Variants in HEMK2 observed in about 807,000 individuals in gnomAD.
HEMK2 encodes the protein methyltransferase HEMK2.
chr21:28,861,563 C>A, the HEMK2 span, among the ~76,000 whole-genome samples: 1 of 152,228 alleles, frequency 6.6e-6, no homozygotes, highest in African/African-American at 2.4e-5. Flanking sequence ...ACACTTTATG[C>A]AGTGATTCTC....
the HEMK2 span, among the ~76,000 whole-genome samples, chr21:28,713,054 A>G: frequency 1.5e-4 from 23 of 152,236 alleles, no homozygotes; most frequent in Non-Finnish European, 3.2e-4. Context: ...GGTACTCTGC[A>G]AAGTCAGTAC....
At chr21:28,719,393 A>G in the HEMK2 span, among the ~76,000 whole-genome samples, 2 of 152,132 alleles carry the variant, frequency 1.3e-5, no homozygotes. Context: ...TTTTTGTGGT[A>G]GTGAATAAGT....
chr21:28,787,111 G>A, the HEMK2 span, among the ~76,000 whole-genome samples: 1 of 152,186 alleles, frequency 6.6e-6, no homozygotes, highest in Non-Finnish European at 1.5e-5. Context: ...ATAAAGTGGG[G>A]AAAGGACACC....
At chr21:28,797,405 A>G in the HEMK2 span, among the ~76,000 whole-genome samples, 1 of 151,874 alleles carries the variant, frequency 6.6e-6, no homozygotes, top group African/African-American at 2.4e-5. Flanking sequence ...AGCCCATCCA[A>G]GGCAACATGG....
At chr21:28,607,524 T>G in the HEMK2 span, among the ~76,000 whole-genome samples, 1 of 152,234 alleles carries the variant, frequency 6.6e-6, no homozygotes, top group Non-Finnish European at 1.5e-5. Flanking sequence ...GTTTCTGACA[T>G]CCAAGATTAG....
At chr21:28,735,062 C>T in the HEMK2 span, among the ~76,000 whole-genome samples, 5 of 152,236 alleles carry the variant, frequency 3.3e-5, no homozygotes, top group African/African-American at 9.6e-5. Context: ...ATCTCTCATT[C>T]CCCAGAAGGC....
At chr21:28,598,637 G>A in the HEMK2 span, among the ~76,000 whole-genome samples, 1 of 152,210 alleles carries the variant, frequency 6.6e-6, no homozygotes, top group Non-Finnish European at 1.5e-5. Context: ...CCATGAGTTA[G>A]TGAGTTTTCT....
the HEMK2 span, among the ~76,000 whole-genome samples, chr21:28,831,362 C>A: frequency 2.0e-5 from 3 of 150,336 alleles, no homozygotes; most frequent in African/African-American, 7.4e-5. Flanking sequence ...AGGAGAATCA[C>A]TTGAACCTGG....
At chr21:28,877,424 A>G in the HEMK2 span, among the ~76,000 whole-genome samples, 1 of 151,442 alleles carries the variant, frequency 6.6e-6, no homozygotes, top group Admixed American at 6.6e-5. Context: ...GAAGGAAAGA[A>G]AGAGAGAGAG....
the HEMK2 span, among the ~76,000 whole-genome samples, chr21:28,837,910 A>T: frequency 6.6e-6 from 1 of 152,210 alleles, no homozygotes; most frequent in Non-Finnish European, 1.5e-5. Context: ...CACTATGAAC[A>T]CCTTTACACA....
the HEMK2 span, among the ~76,000 whole-genome samples, chr21:28,607,034 G>T: frequency 6.6e-6 from 1 of 152,174 alleles, no homozygotes; most frequent in African/African-American, 2.4e-5. Context: ...GATAAGGAGA[G>T]ATTATGGAGG....
At chr21:28,694,039 T>C in the HEMK2 span, among the ~76,000 whole-genome samples, 3 of 152,332 alleles carry the variant, frequency 2.0e-5, no homozygotes, top group South Asian at 2.1e-4. Context: ...TTACCAAATA[T>C]ATCTGCTTAA....
the HEMK2 span, among the ~76,000 whole-genome samples, chr21:28,838,210 A>C: frequency 4.6e-5 from 7 of 152,142 alleles, no homozygotes; most frequent in African/African-American, 1.7e-4. Context: ...CATTACCCTA[A>C]TGCCAAAACC....
At chr21:28,725,446 A>T in the HEMK2 span, among the ~76,000 whole-genome samples, 1 of 152,308 alleles carries the variant, frequency 6.6e-6, no homozygotes, top group East Asian at 1.9e-4. Flanking sequence ...ATCACTGCAG[A>T]CAACTGAGCT....
At chr21:28,730,482 T>A in the HEMK2 span, among the ~76,000 whole-genome samples, 1 of 152,000 alleles carries the variant, frequency 6.6e-6, no homozygotes, top group East Asian at 1.9e-4. Context: ...TCAGGGCCTC[T>A]CACCAGGCTA....
the HEMK2 span, among the ~76,000 whole-genome samples, chr21:28,697,778 CAAAAAAA>C: frequency 3.8e-5 from 3 of 79,554 alleles, no homozygotes; most frequent in African/African-American, 1.2e-4. Flanking sequence ...ATCATGAGCC[CAAAAAAA>C]AAAAAAAAAA....
the HEMK2 span, among the ~76,000 whole-genome samples, chr21:28,880,364 C>G: frequency 2.0e-5 from 3 of 152,248 alleles, no homozygotes; most frequent in South Asian, 6.2e-4. Context: ...GGATACTGTT[C>G]TATAGTCTCT....
At chr21:28,855,941 T>C in the HEMK2 span, among the ~76,000 whole-genome samples, 136 of 152,216 alleles carry the variant, frequency 8.9e-4, 2 homozygotes, top group East Asian at 0.016. Flanking sequence ...CAACCTAACA[T>C]TACATCTAGA....
chr21:28,838,975 ATAT>A, the HEMK2 span, among the ~76,000 whole-genome samples: 132 of 30,692 alleles, frequency 4.3e-3, 2 homozygotes, highest in East Asian at 4.8e-3. Context: ...AAAAAAAAAT[ATAT>A]ATATATATAT....
Sources: gnomAD v4.1 joint callset for allele counts (sites outside exome capture counted in the v4.1 genomes callset) on GRCh38, gnomAD v4.1.1 for gene constraint, MANE v1.5 for transcripts, NCBI Gene and HGNC (gene_info 2026-07-23, HGNC 2026-07-21) for gene names.